Variants in USH2A observed in about 807,000 individuals in gnomAD.
USH2A encodes usherin.
A neutral mutation model predicts 538.9 loss-of-function variants in USH2A; 443 were observed. The ratio of observed to expected loss-of-function variants is 0.82; its 90% CI spans 0.76 to 0.89. The LOEUF is 0.89. Ranked by LOEUF, USH2A falls within the 40% of genes least tolerant of loss-of-function variation. The pLI, the probability that USH2A is intolerant of heterozygous loss-of-function variation, is 0.00. For missense variants in USH2A, 6,633 were observed against 6,324.8 expected (o/e 1.05, Z -1.65); for synonymous variants, 2,413 against 2,273.5 (o/e 1.06, Z -1.75).
At chr1:216,352,562 T>C (rs2038307747) in intron 4 of USH2A, among the ~76,000 whole-genome samples, 1 of 152,142 alleles carries the variant, frequency 6.6e-6, no homozygotes, top group Non-Finnish European at 1.5e-5. Context: ...GAATATACTT[T>C]GGTGAAGTTT....
chr1:215,991,424 A>C (rs924039255), intron 35 of USH2A, among the ~76,000 whole-genome samples: 2 of 152,174 alleles, frequency 1.3e-5, no homozygotes, highest in African/African-American at 4.8e-5. Context: ...CAACAAGAGA[A>C]ACAAAAAGCT....
rs1405707515 is a variant in USH2A at position 215,728,223 on chromosome 1, G to C, written c.11873C>G (p.Thr3958Arg). 2.5e-6 allele frequency: 4 copies of C among 1,614,044 alleles called. No homozygotes were observed. Among genetic ancestry groups the C allele is most frequent in the African/African-American group, 1.3e-5 (1 of 74,906 alleles). ...TTGAGGTGGAGCTTCCAGAGTTTGT[G>C]TTAATGACCACAGACTCTCCACTGA... ...KGSVESLWSL[T>R]QTLEAPPQDF... The change falls in exon 61 of 72, where the codon ACA becomes AGA. Residue 3958 changes from threonine (T) to arginine (R), a missense_variant. Thr to Arg is a moderately conservative substitution (Grantham distance 71). Transcript: ENST00000307340.
chr1:215,919,962 C>G (rs906712087), intron 38 of USH2A, among the ~76,000 whole-genome samples: 15 of 151,324 alleles, frequency 9.9e-5, no homozygotes, highest in East Asian at 3.9e-4. Context: ...CTATTTTTGT[C>G]TCTCTCTCTC....
At chr1:215,716,351 C>A (rs984393014) in intron 61 of USH2A, among the ~76,000 whole-genome samples, 1 of 152,184 alleles carries the variant, frequency 6.6e-6, no homozygotes, top group Non-Finnish European at 1.5e-5. Context: ...TGCTTTCTAT[C>A]CCCATTCAGT....
chr1:215,866,116 A>G (rs912353189), intron 44 of USH2A, among the ~76,000 whole-genome samples: 3 of 152,148 alleles, frequency 2.0e-5, no homozygotes, highest in African/African-American at 7.2e-5. Flanking sequence ...GTATTTCTCA[A>G]TATTTGGTGT....
At chr1:215,831,298 T>A (rs1663307849) in intron 47 of USH2A, among the ~76,000 whole-genome samples, 1 of 152,044 alleles carries the variant, frequency 6.6e-6, no homozygotes, top group East Asian at 1.9e-4. Flanking sequence ...CAATAACTGA[T>A]AAAACAAGCA....
At chr1:216,154,208 A>ACT (rs1303545550) in intron 21 of USH2A, among the ~76,000 whole-genome samples, 2 of 152,186 alleles carry the variant, frequency 1.3e-5, no homozygotes, top group African/African-American at 2.4e-5. Flanking sequence ...GATCAAAAGA[A>ACT]ACCCTATTTC....
chr1:215,754,531 A>G (rs1164788404), intron 58 of USH2A, among the ~76,000 whole-genome samples: 3 of 152,180 alleles, frequency 2.0e-5, no homozygotes, highest in African/African-American at 7.2e-5. Flanking sequence ...TGCATATTTA[A>G]AAAAACAAAT....
rs1348446958 is a variant in USH2A at position 216,086,836 on chromosome 1, T to G, written c.4886-16A>C. The G allele has an allele frequency of 7.6e-6, 12 of 1,579,216 alleles. No homozygotes were observed. Among genetic ancestry groups the G allele is most frequent in the East Asian group, 2.2e-5 (1 of 44,660 alleles). ...GCAGAGGAACCTAGAGAAGAGGAGA[T>G]GAGAAATACACCTTCACCAGGATAC... On this transcript the variant is annotated splice_polypyrimidine_tract_variant and intron_variant, in intron 23 of 71. Transcript: ENST00000307340.
intron 32 of USH2A, among the ~76,000 whole-genome samples, chr1:216,037,081 C>T (rs1412835448): frequency 6.6e-6 from 1 of 152,118 alleles, no homozygotes; most frequent in African/African-American, 2.4e-5. Flanking sequence ...CATGTCAATG[C>T]AGTCTTTTTT....
At chr1:215,960,765 G>T (rs775884543) in intron 37 of USH2A, among the ~76,000 whole-genome samples, 9 of 151,980 alleles carry the variant, frequency 5.9e-5, no homozygotes, top group Non-Finnish European at 1.0e-4. Flanking sequence ...ATGTGTTTGT[G>T]CTCTCTCCGT....
intron 37 of USH2A, 118 bp from the exon 38 acceptor site, chr1:215,934,913 C>T (rs918817890): frequency 3.1e-6 from 3 of 960,292 alleles, no homozygotes; most frequent in African/African-American, 1.7e-5. Context: ...GTAACTTTAC[C>T]ACTCTAAGAG....
intron 32 of USH2A, among the ~76,000 whole-genome samples, chr1:216,022,895 T>TAA (rs1471442391): frequency 2.0e-5 from 3 of 152,090 alleles, no homozygotes; most frequent in Non-Finnish European, 2.9e-5. Flanking sequence ...CAGTGCTCCT[T>TAA]ATGCCCATAG....
At chr1:216,078,727 T>C (rs951018211) in intron 26 of USH2A, among the ~76,000 whole-genome samples, 1 of 152,168 alleles carries the variant, frequency 6.6e-6, no homozygotes, top group Admixed American at 6.6e-5. Flanking sequence ...TATGACTCTT[T>C]GAATTTTTAG....
At chr1:216,073,028 G>A in intron 28 of USH2A, 59 bp from the exon 29 acceptor site, 2 of 1,611,178 alleles carry the variant, frequency 1.2e-6, no homozygotes, top group South Asian at 1.1e-5. Flanking sequence ...TTAATGAGGG[G>A]CTGGCAGGGA....
At chr1:215,824,639 T>C (rs1663104664) in intron 47 of USH2A, among the ~76,000 whole-genome samples, 1 of 152,246 alleles carries the variant, frequency 6.6e-6, no homozygotes, top group East Asian at 1.9e-4. Context: ...GGGCTGGTGA[T>C]GGTAGTCCCA....
intron 4 of USH2A, among the ~76,000 whole-genome samples, chr1:216,356,028 CAT>C (rs1436976450): frequency 3.3e-5 from 5 of 152,012 alleles, no homozygotes; most frequent in African/African-American, 1.2e-4. Flanking sequence ...AATGAGAAAA[CAT>C]ATTAGGAAAT....
intron 32 of USH2A, among the ~76,000 whole-genome samples, chr1:216,007,392 A>G (rs1321650167): frequency 6.6e-6 from 1 of 152,196 alleles, no homozygotes; most frequent in Non-Finnish European, 1.5e-5. Context: ...GACTGAGGGA[A>G]CAGAGAAGGA....
intron 4 of USH2A, among the ~76,000 whole-genome samples, chr1:216,351,675 G>A (rs1383406593): frequency 6.8e-6 from 1 of 146,486 alleles, no homozygotes; most frequent in Non-Finnish European, 1.5e-5. Context: ...TATGGCTGCT[G>A]TGTTGAGAAT....
Sources: allele counts gnomAD v4.1 joint callset (sites outside exome capture counted in the v4.1 genomes callset), GRCh38; gene constraint gnomAD v4.1.1; transcripts MANE v1.5; gene names NCBI Gene and HGNC (gene_info 2026-07-23, HGNC 2026-07-21).